The following CDH5 variants were observed in gnomAD, a reference collection of about 807,000 sequenced individuals.
The protein encoded by CDH5 is cadherin 5, also known as cadherin-5.
A neutral mutation model predicts 62.0 loss-of-function variants in CDH5; 28 were observed. The observed-to-expected ratio is 0.45, with a 90% CI of 0.33 to 0.62. The LOEUF is 0.62. CDH5 is among the 20% of genes least tolerant of loss of function. The probability of loss-of-function intolerance (pLI) is 0.02; values close to 1 mark genes in which losing one functional copy is unlikely to be tolerated. For missense variants in CDH5, 940 were observed against 1,065.1 expected (o/e 0.88, Z 1.63); for synonymous variants, 464 against 445.8 (o/e 1.04, Z -0.52).
At chr16:66,381,729 C>A (rs1304787485) in intron 2 of CDH5, among the ~76,000 whole-genome samples, 1 of 152,192 alleles carries the variant, frequency 6.6e-6, no homozygotes, top group African/African-American at 2.4e-5. Flanking sequence ...GATCAGCAAA[C>A]TACCCCCTGC....
rs1961354419 is a variant in CDH5, at chr16:66,404,549, G to C, written c.*1380G>C. Reference sequence around the variant, plus strand: ...ATTTTTTTACTAATGATACTTACAAGTTTCTAGCTCTCACAGACATATAGA... The same window carrying C: ...ATTTTTTTACTAATGATACTTACAACTTTCTAGCTCTCACAGACATATAGA... On this transcript the variant is annotated 3_prime_UTR_variant, in exon 12 of 12. Coordinates refer to ENST00000341529, the MANE Select transcript of CDH5 (RefSeq NM_001795.5). 1 of 152,234 alleles carries C rather than the reference G, an allele frequency of 6.6e-6. No homozygotes were observed. The allele number at this position is 152,234 out of a possible 1,614,324, so 9.4% of individuals were successfully genotyped here.
intron 2 of CDH5, among the ~76,000 whole-genome samples, chr16:66,384,909 T>C (rs1014756683): frequency 4.6e-5 from 7 of 152,120 alleles, no homozygotes; most frequent in Non-Finnish European, 1.0e-4. Flanking sequence ...GAGGTTGCAG[T>C]GAGCCAAGAT....
intron 3 of CDH5, among the ~76,000 whole-genome samples, chr16:66,388,091 C>A (rs1371539484): frequency 3.3e-5 from 5 of 152,192 alleles, no homozygotes; most frequent in African/African-American, 1.2e-4. Context: ...CCCCAGGAAG[C>A]ACACAAACCA....
Position 66,392,298 on chromosome 16 carries a change from C to T in CDH5, c.1132C>T (p.His378Tyr), listed in dbSNP as rs748847072. 186 of 1,614,022 alleles carry T rather than the reference C, an allele frequency of 1.2e-4. No homozygotes were observed. The highest frequency in any genetic ancestry group is 1.5e-4 in the Non-Finnish European group (178 of 1,180,024). Residue 378 changes from histidine (H) to tyrosine (Y), a missense_variant, in exon 7 of 12, where the codon CAC becomes TAC. By Grantham distance (83) the His-to-Tyr change is moderately conservative. Transcript: ENST00000341529. ...CCCCATTTTCCAGCAGCCTTTCTAC[C>T]ACTTCCAGCTGAAGGAAAACCAGAA... ...EPPIFQQPFY[H>Y]FQLKENQKKP...
intron 9 of CDH5, 103 bp downstream of exon 9, chr16:66,398,209 C>G: frequency 7.3e-7 from 1 of 1,370,718 alleles, no homozygotes; most frequent in Non-Finnish European, 1.0e-6. Context: ...GTACAATAGC[C>G]TTGAGGAAAA....
intron 11 of CDH5, 60 bp from the exon 12 acceptor site, chr16:66,402,592 T>C (rs1421251340): frequency 8.0e-7 from 1 of 1,256,104 alleles, no homozygotes; most frequent in Non-Finnish European, 1.0e-6. Context: ...GATGGGGGCA[T>C]GGGGGGCCGC....
intron 9 of CDH5, 108 bp from the exon 10 acceptor site, chr16:66,398,348 G>T: frequency 1.2e-6 from 1 of 841,284 alleles, no homozygotes. Flanking sequence ...GTTGCAGGTG[G>T]GAAACAGCCA....
At chr16:66,401,070 G>A in intron 11 of CDH5, 54 bp downstream of exon 11, 2 of 1,610,470 alleles carry the variant, frequency 1.2e-6, no homozygotes, top group Non-Finnish European at 1.7e-6. Flanking sequence ...GGGATGGAAG[G>A]TGTTGGGAGG....
chr16:66,384,792 C>T (rs1049996192), intron 2 of CDH5, among the ~76,000 whole-genome samples: 3 of 151,872 alleles, frequency 2.0e-5, no homozygotes, highest in Non-Finnish European at 2.9e-5. Context: ...ATGGTGAAAC[C>T]CTGTCTCTAC....
At chr16:66,374,610 T>TC (rs995569622) in intron 1 of CDH5, among the ~76,000 whole-genome samples, 2 of 151,394 alleles carry the variant, frequency 1.3e-5, no homozygotes, top group Non-Finnish European at 2.9e-5. Context: ...GGAGTTAATG[T>TC]CCCCCCAGGA....
At position 66,389,517 on chromosome 16, in the gene CDH5, C is replaced by T. The variant is rs372943076; in HGVS notation, c.776C>T (p.Thr259Ile). The T allele has an allele frequency of 5.0e-5, 80 of 1,589,280 alleles. No individual in the cohort carries two copies. In the Middle Eastern group the frequency reaches 5.1e-4, roughly 10 times the overall value. ...ATCAATGACAACTTCCCCTTCTTCA[C>T]CCAGAGTGAGCCCCTCCTCTAGGGC... ...QDINDNFPFFTQTKYTFVVPE... is the reference protein window; with the variant it reads ...QDINDNFPFFIQTKYTFVVPE... The change falls in exon 5 of 12, where the codon ACC becomes ATC. Residue 259 changes from threonine (T) to isoleucine (I), a missense_variant. Physicochemically the swap from Thr to Ile is moderately conservative, Grantham distance 89. Transcript: ENST00000341529.
chr16:66,367,427 A>ACCATTCCT (rs1187491135), intron 1 of CDH5, among the ~76,000 whole-genome samples: 1 of 152,178 alleles, frequency 6.6e-6, no homozygotes, highest in Non-Finnish European at 1.5e-5. Context: ...ACAGCGGTCC[A>ACCATTCCT]CCATTCCTCC....
chr16:66,393,501 C>A (rs1961124554), intron 7 of CDH5, among the ~76,000 whole-genome samples: 1 of 152,202 alleles, frequency 6.6e-6, no homozygotes, highest in Non-Finnish European at 1.5e-5. Context: ...TTTTCAACAA[C>A]CTGGTCTCAT....
At chr16:66,390,740 G>C in intron 6 of CDH5, 150 bp downstream of exon 6, 3 of 703,088 alleles carry the variant, frequency 4.3e-6, no homozygotes, top group Non-Finnish European at 4.7e-6. Context: ...CTGTGATCCA[G>C]TGTCTTAGGC....
At chr16:66,369,266 GT>G (rs1173411345) in intron 1 of CDH5, among the ~76,000 whole-genome samples, 1 of 152,156 alleles carries the variant, frequency 6.6e-6, no homozygotes, top group African/African-American at 2.4e-5. Context: ...AGAGTAGGAG[GT>G]GGGCCCAGAG....
chr16:66,369,761 GT>G (rs1454963047), intron 1 of CDH5, among the ~76,000 whole-genome samples: 2 of 152,192 alleles, frequency 1.3e-5, no homozygotes, highest in Non-Finnish European at 2.9e-5. Context: ...GGTCTGGCCA[GT>G]TGGTACCCTC....
intron 6 of CDH5, 67 bp downstream of exon 6, chr16:66,390,657 T>C (rs1961068325): frequency 3.4e-6 from 5 of 1,466,690 alleles, no homozygotes; most frequent in African/African-American, 2.8e-5. Flanking sequence ...CAGGTCCTGC[T>C]TGGGGATTGC....
At chr16:66,373,448 A>G (rs1179244149) in intron 1 of CDH5, among the ~76,000 whole-genome samples, 1 of 142,376 alleles carries the variant, frequency 7.0e-6, no homozygotes, top group Non-Finnish European at 1.5e-5. Flanking sequence ...TTGCTCTGTC[A>G]CCTGTTGCCC....
intron 7 of CDH5, among the ~76,000 whole-genome samples, chr16:66,395,221 AT>A (rs1164048804): frequency 6.6e-6 from 1 of 150,676 alleles, no homozygotes; most frequent in African/African-American, 2.4e-5. Flanking sequence ...ATGTATTCGT[AT>A]AATCCTCAGA....
Sources: gnomAD v4.1 joint callset for allele counts (sites outside exome capture counted in the v4.1 genomes callset) on GRCh38, gnomAD v4.1.1 for gene constraint, MANE v1.5 for transcripts, NCBI Gene and HGNC (gene_info 2026-07-23, HGNC 2026-07-21) for gene names.